Variants in SKP2 observed in about 807,000 individuals in gnomAD.
The protein encoded by SKP2 is S-phase kinase-associated protein 2.
SKP2 carries 16 observed loss-of-function variants against 51.8 expected under a neutral mutation model. The ratio of observed to expected loss-of-function variants is 0.31; its 90% CI spans 0.21 to 0.47. The LOEUF is 0.47. SKP2 is among the 20% of genes least tolerant of loss of function. The pLI is 1.00. For missense variants in SKP2, 377 were observed against 505.3 expected (o/e 0.75, Z 2.43); for synonymous variants, 176 against 198.6 (o/e 0.89, Z 0.96).
rs1387647967 is a variant in SKP2, at chr5:36,155,701, GACCA to G, written c.280+2665_280+2668del. ...ATGTAGCCCTAACAATCTGGTGCTT[GACCA>G]ACCAAATATGGCGAAAGATACTTCC... On this transcript the variant is annotated intron_variant, in intron 2 of 9. Transcript: ENST00000274255. Among the ~76,000 whole-genome samples the G allele has an allele frequency of 2.6e-5, 4 of 152,158 alleles. No individual in the cohort carries two copies. In the East Asian group the frequency reaches 5.8e-4, roughly 22 times the overall value.
At chr5:36,174,505 C>T (rs1323652149) in intron 7 of SKP2, among the ~76,000 whole-genome samples, 2 of 152,016 alleles carry the variant, frequency 1.3e-5, no homozygotes, top group African/African-American at 2.4e-5. Flanking sequence ...GTACTTTTTT[C>T]ATTTTTTGGT....
At chr5:36,164,519 T>C (rs1437943362) in intron 3 of SKP2, among the ~76,000 whole-genome samples, 1 of 152,236 alleles carries the variant, frequency 6.6e-6, no homozygotes, top group African/African-American at 2.4e-5. Context: ...GGTCATTCTT[T>C]GCTTTGTGTT....
chr5:36,187,354 C>G (rs921245295), downstream of SKP2, among the ~76,000 whole-genome samples: 2 of 152,156 alleles, frequency 1.3e-5, no homozygotes, highest in African/African-American at 4.8e-5. Flanking sequence ...ATCTTTCCTG[C>G]TTTCTCTTGT....
At position 36,152,210 on chromosome 5, in the gene SKP2, G is replaced by T. The variant is rs991944973; in HGVS notation, c.-53G>T. Reference sequence around the variant, plus strand: ...GCGCCAAAGCGGGAATCTGGGAGGCGAGCAGCTCTGCAGTTAATGCACGTA... The same window carrying T: ...GCGCCAAAGCGGGAATCTGGGAGGCTAGCAGCTCTGCAGTTAATGCACGTA... On this transcript the variant is annotated 5_prime_UTR_variant, in exon 1 of 10. Transcript: ENST00000274255. 6.2e-7 allele frequency: 1 copy of T among 1,607,140 alleles called. No individual in the cohort carries two copies. Among genetic ancestry groups the T allele is most frequent in the East Asian group, 2.2e-5 (1 of 44,810 alleles).
At chr5:36,175,961 AAATCAGTTCACTATCCAAAAAAAGCAGG>A (rs989906694) in intron 7 of SKP2, among the ~76,000 whole-genome samples, 1 of 152,010 alleles carries the variant, frequency 6.6e-6, no homozygotes, top group African/African-American at 2.4e-5. Context: ...AAAAAAAAGA[AAATCAGTTCACTATCCAAAAAAAGCAGG>A]AATCAGTTCA....
intron 9 of SKP2, among the ~76,000 whole-genome samples, chr5:36,180,511 G>A (rs774386246): frequency 6.6e-5 from 10 of 152,130 alleles, no homozygotes; most frequent in South Asian, 6.2e-4. Flanking sequence ...CTCAGCTAAC[G>A]TATATTAAAC....
At chr5:36,170,947 G>A (rs1561537485) in intron 6 of SKP2, among the ~76,000 whole-genome samples, 2 of 152,236 alleles carry the variant, frequency 1.3e-5, no homozygotes, top group South Asian at 2.1e-4. Flanking sequence ...ACAGTACTAG[G>A]CATATGTGTG....
intron 1 of SKP2, 40 bp downstream of exon 1, chr5:36,152,310 C>G: frequency 6.3e-7 from 1 of 1,591,740 alleles, no homozygotes; most frequent in African/African-American, 1.3e-5. Flanking sequence ...TGAAATGGAC[C>G]CTCTTAATAA....
Position 36,166,705 on chromosome 5 carries a change from G to C in SKP2, c.536+43G>C, listed in dbSNP as rs182945229. 2.8e-4 allele frequency: 432 copies of C among 1,550,446 alleles called. 3 individuals carry two copies. The African/African-American group carries it at 5.2e-3, about 19-fold the overall frequency. On this transcript the variant is annotated intron_variant, in intron 4 of 9. Coordinates refer to ENST00000274255, the MANE Select transcript of SKP2 (RefSeq NM_005983.4). ...CTGGAAAAGACTATTTCTAAATTTC[G>C]AGGTAGAAACAGATCAAAGCTTTTT...
chr5:36,165,097 A>G (rs1275570243), intron 3 of SKP2, among the ~76,000 whole-genome samples: 3 of 152,202 alleles, frequency 2.0e-5, no homozygotes, highest in African/African-American at 7.2e-5. Flanking sequence ...CATAAAAGTA[A>G]TTACTGACAT....
At chr5:36,165,903 T>G (rs1334944143) in intron 3 of SKP2, among the ~76,000 whole-genome samples, 2 of 152,220 alleles carry the variant, frequency 1.3e-5, no homozygotes, top group Non-Finnish European at 2.9e-5. Flanking sequence ...ATCCGTTGTA[T>G]TTTTCCCTTA....
At chr5:36,190,021 G>T (rs553503146) in intron 6 of SKP2, among the ~76,000 whole-genome samples, 28 of 152,330 alleles carry the variant, frequency 1.8e-4, no homozygotes, top group African/African-American at 4.8e-4. Context: ...CTCTGAGCCA[G>T]GCGCGGGATA....
rs1745882769 is a variant in SKP2, at chr5:36,183,551, G to A, written c.*1520G>A. The A allele has an allele frequency of 5.9e-6, 6 of 1,012,790 alleles. No individual in the cohort carries two copies. The South Asian group carries it at 2.6e-4, about 44-fold the overall frequency. 62.7% of individuals were successfully genotyped at this position (1,012,790 alleles called of 1,614,324 possible). ...CAAAGTGCTGGGATTACAGGCATGA[G>A]CAACTGCGCCCAGCCAAATTCTACT... On this transcript the variant is annotated 3_prime_UTR_variant, in exon 10 of 10. Transcript: ENST00000274255.
At chr5:36,176,078 C>A (rs1281131841) in intron 7 of SKP2, among the ~76,000 whole-genome samples, 1 of 151,980 alleles carries the variant, frequency 6.6e-6, no homozygotes, top group Non-Finnish European at 1.5e-5. Flanking sequence ...CATGGAAGAC[C>A]TACTTTATGG....
At chr5:36,159,512 C>T (rs556932700) in intron 2 of SKP2, among the ~76,000 whole-genome samples, 1 of 152,308 alleles carries the variant, frequency 6.6e-6, no homozygotes, top group South Asian at 2.1e-4. Context: ...CTTTTGCCTA[C>T]GTGTAGATGA....
intron 9 of SKP2, among the ~76,000 whole-genome samples, chr5:36,178,012 G>T (rs1293774587): frequency 6.6e-6 from 1 of 152,066 alleles, no homozygotes; most frequent in African/African-American, 2.4e-5. Flanking sequence ...GCAGCAGCCT[G>T]GTCCATCTTT....
chr5:36,180,394 G>C (rs142361890), intron 9 of SKP2: 300 of 485,250 alleles, frequency 6.2e-4, no homozygotes, highest in African/African-American at 5.8e-3. Flanking sequence ...TGTTCTTTCT[G>C]ATTTTCTTTG....
chr5:36,170,202 T>A (rs532087633), intron 5 of SKP2, 142 bp from the exon 6 acceptor site: 67 of 482,436 alleles, frequency 1.4e-4, no homozygotes, highest in African/African-American at 1.2e-3. Context: ...CTGTTTGATG[T>A]CTGAGAGATA....
At position 36,168,464 on chromosome 5, in the gene SKP2, G is replaced by C. The variant is rs755304663; in HGVS notation, c.671+17G>C. 7 of 1,613,634 alleles carry C rather than the reference G, an allele frequency of 4.3e-6. No homozygotes were observed. The highest frequency in any genetic ancestry group is 5.9e-6 in the Non-Finnish European group (7 of 1,179,654). On this transcript the variant is annotated intron_variant, in intron 5 of 9. Transcript: ENST00000274255. ...CATTGTCAAGTGAGTGGCAGGCAGA[G>C]TGTCACAAAGGCAGTTGATTTTATG...
Sources: allele counts gnomAD v4.1 joint callset (sites outside exome capture counted in the v4.1 genomes callset), GRCh38; gene constraint gnomAD v4.1.1; transcripts MANE v1.5; gene names NCBI Gene and HGNC (gene_info 2026-07-23, HGNC 2026-07-21).